RB1: variants seen among roughly 807,000 people sequenced by gnomAD.
RB1 encodes the protein RB transcriptional corepressor 1.
In RB1, 18 loss-of-function variants were observed where a neutral mutation model predicts 135.4. The ratio of observed to expected loss-of-function variants is 0.13; its 90% CI spans 0.09 to 0.20. The LOEUF (loss-of-function observed/expected upper bound fraction) is 0.20. Ranked by LOEUF, RB1 falls within the 10% of genes least tolerant of loss-of-function variation. The pLI is 1.00. For synonymous variants in RB1, 365 were observed against 373.2 expected (o/e 0.98, Z 0.25); for missense variants, 868 against 1,110.0 (o/e 0.78, Z 3.10).
chr13:48,324,484 T>C (rs1373084852), intron 2 of RB1, among the ~76,000 whole-genome samples: 1 of 152,042 alleles, frequency 6.6e-6, no homozygotes, highest in Non-Finnish European at 1.5e-5. Context: ...TACTTGTCCT[T>C]CTGTGCCTGG....
Position 48,406,460 on chromosome 13 carries a change from A to G in RB1, c.1695+25017A>G, listed in dbSNP as rs528137984. 5 of 152,310 alleles carry G rather than the reference A, an allele frequency of 3.3e-5. No homozygotes were observed. The East Asian group carries it at 9.6e-4, about 29-fold the overall frequency. The allele number at this position is 152,310 out of a possible 1,614,324, so 9.4% of individuals were successfully genotyped here. A position where few individuals can be genotyped will look rare whatever the true frequency, so the allele number is the denominator to read the frequency against. ...GAAGAGCCCTTTAAATTGTATAAATATAGTTCTTGTTGTGATTATTTTTCT... is the reference window on the plus strand; with the variant it reads ...GAAGAGCCCTTTAAATTGTATAAATGTAGTTCTTGTTGTGATTATTTTTCT... On this transcript the variant is annotated intron_variant, in intron 17 of 26. Coordinates refer to ENST00000267163, the MANE Select transcript of RB1 (RefSeq NM_000321.3).
chr13:48,356,898 A>G (rs1176062760), intron 6 of RB1, among the ~76,000 whole-genome samples: 1 of 151,994 alleles, frequency 6.6e-6, no homozygotes, highest in Admixed American at 6.6e-5. Flanking sequence ...CAGCTTTGTC[A>G]TGTATTCTAT....
At position 48,390,349 on chromosome 13, in the gene RB1, A is replaced by C. The variant is rs571628128; in HGVS notation, c.1695+8906A>C. ...TTGTTTCACCTTAGAATTTCTGGAG[A>C]CAGAACATTTCTGGGTAGTTTACTG... is the stretch of plus-strand genomic sequence containing the variant. On this transcript the variant is annotated intron_variant, in intron 17 of 26. Coordinates refer to ENST00000267163, the MANE Select transcript of RB1 (RefSeq NM_000321.3). Among the ~76,000 whole-genome samples the C allele has an allele frequency of 2.6e-4, 40 of 152,278 alleles. 1 individual carries two copies. The South Asian group carries it at 8.1e-3, about 31-fold the overall frequency.
chr13:48,317,339 C>G (rs949336868), intron 2 of RB1: 1 of 388,250 alleles, frequency 2.6e-6, no homozygotes, highest in Non-Finnish European at 4.6e-6. Context: ...TTCCCGCTCC[C>G]GACGCCCCGC....
intron 17 of RB1, chr13:48,411,156 T>C: frequency 5.0e-6 from 2 of 403,984 alleles, no homozygotes; most frequent in South Asian, 7.8e-5. Context: ...AGAGATTTTT[T>C]TTAATGAAGG....
At chr13:48,338,421 C>T (rs1952405801) in intron 2 of RB1, among the ~76,000 whole-genome samples, 1 of 152,196 alleles carries the variant, frequency 6.6e-6, no homozygotes, top group East Asian at 1.9e-4. Context: ...TGCTTCATTT[C>T]ATTCATTTGA....
intron 20 of RB1, 80 bp downstream of exon 20, chr13:48,459,913 C>CTTTA: frequency 2.1e-6 from 1 of 479,780 alleles, no homozygotes; most frequent in South Asian, 2.2e-5. Context: ...TTCTTTCTTT[C>CTTTA]TTTCTTTCTT....
At chr13:48,362,039 C>T (rs1279378455) in intron 7 of RB1, among the ~76,000 whole-genome samples, 1 of 151,600 alleles carries the variant, frequency 6.6e-6, no homozygotes, top group Admixed American at 6.6e-5. Flanking sequence ...ACTCTGCCTC[C>T]CGGGTTCAAG....
intron 17 of RB1, among the ~76,000 whole-genome samples, chr13:48,390,518 A>T (rs554900971): frequency 1.3e-5 from 2 of 152,302 alleles, no homozygotes; most frequent in South Asian, 4.1e-4. Flanking sequence ...GGGAGTAACC[A>T]GGAGACAAGT....
chr13:48,322,068 C>G (rs2138057752), intron 2 of RB1, among the ~76,000 whole-genome samples: 1 of 152,116 alleles, frequency 6.6e-6, no homozygotes, highest in African/African-American at 2.4e-5. Context: ...AGTTTAAGTC[C>G]CATTTACTTA....
Position 48,344,893 on chromosome 13 carries a change from A to G in RB1, c.381-187A>G, listed in dbSNP as rs4151454. The stretch of plus-strand genomic sequence containing the variant: ...ATGATGAATAGATATAAGCATAGGT[A>G]TATAGATAATAGAGGTGTAAGTTGA... On this transcript the variant is annotated intron_variant, in intron 3 of 26. Transcript: ENST00000267163. Among the ~76,000 whole-genome samples the G allele has an allele frequency of 7.5e-4, 115 of 152,358 alleles. No individual in the cohort carries two copies. The East Asian group carries it at 0.019, about 26-fold the overall frequency.
intron 17 of RB1, 118 bp from the exon 18 acceptor site, chr13:48,452,875 C>A: frequency 7.2e-7 from 1 of 1,397,354 alleles, no homozygotes; most frequent in Non-Finnish European, 9.7e-7. Context: ...TTTAAATTGC[C>A]ACTGTCAATT....
chr13:48,323,918 TTTC>T (rs1277892522), intron 2 of RB1, among the ~76,000 whole-genome samples: 1 of 152,072 alleles, frequency 6.6e-6, no homozygotes, highest in Non-Finnish European at 1.5e-5. Flanking sequence ...TACTAACATT[TTTC>T]TTGTCATTTT....
At position 48,373,423 on chromosome 13, in the gene RB1, C is replaced by T. The variant is rs2138130975; in HGVS notation, c.1146C>T (p.Ile382=). 2 of 1,595,326 alleles carry T rather than the reference C, an allele frequency of 1.3e-6. No individual in the cohort carries two copies. The highest frequency in any genetic ancestry group is 1.7e-6 in the Non-Finnish European group (2 of 1,163,572). The change falls in exon 12 of 27, where the codon ATC becomes ATT. Residue 382 remains isoleucine, a synonymous_variant. Transcript: ENST00000267163. The stretch of plus-strand genomic sequence containing the variant: ...CCTCTAGGACTGTTATGAACACTAT[C>T]CAACAATTAATGATGATTTTAAATT... The part of the protein sequence containing the change: ...HTPVRTVMNT[I]QQLMMILNSA...
rs750176218 is a variant in RB1 at position 48,307,420 on chromosome 13, T to TA, written c.264+18dup. ...GATGGAGTATTGGTAAGGATTTTCT[T>TA]AAAACGTTTTGAAATTTTTTTTTCT... On this transcript the variant is annotated intron_variant, in intron 2 of 26. Coordinates refer to ENST00000267163, the MANE Select transcript of RB1 (RefSeq NM_000321.3). 2.2e-5 allele frequency: 36 copies of TA among 1,611,222 alleles called. No individual in the cohort carries two copies. The highest frequency in any genetic ancestry group is 2.9e-5 in the Non-Finnish European group (34 of 1,178,772).
rs1949530028 is a variant in RB1, at chr13:48,480,205, G to A, written c.*134G>A. 1 of 748,070 alleles carries A rather than the reference G, an allele frequency of 1.3e-6. No homozygotes were observed. Among genetic ancestry groups the A allele is most frequent in the East Asian group, 2.7e-5 (1 of 37,048 alleles). 46.3% of individuals were successfully genotyped at this position (748,070 alleles called of 1,614,324 possible). On this transcript the variant is annotated 3_prime_UTR_variant, in exon 27 of 27. Coordinates refer to ENST00000267163, the MANE Select transcript of RB1 (RefSeq NM_000321.3). ...TCAGCTCTTTTTGTGGATATAAAATGTGCAGATGCAATTGTTTGGGTGATT... is the reference window on the plus strand; with the variant it reads ...TCAGCTCTTTTTGTGGATATAAAATATGCAGATGCAATTGTTTGGGTGATT...
chr13:48,374,589 C>T (rs992792177), intron 12 of RB1, among the ~76,000 whole-genome samples: 3 of 152,090 alleles, frequency 2.0e-5, no homozygotes, highest in Admixed American at 6.6e-5. Context: ...TGCATAAAGT[C>T]GCTTTTGTTT....
intron 17 of RB1, among the ~76,000 whole-genome samples, chr13:48,433,243 A>T (rs1949148236): frequency 6.6e-6 from 1 of 152,144 alleles, no homozygotes; most frequent in Admixed American, 6.5e-5. Flanking sequence ...ATACATATGT[A>T]CTTTTCTATT....
At chr13:48,398,966 T>C (rs1229960076) in intron 17 of RB1, among the ~76,000 whole-genome samples, 1 of 152,078 alleles carries the variant, frequency 6.6e-6, no homozygotes, top group Non-Finnish European at 1.5e-5. Context: ...GTCTGGCTTA[T>C]TCCTCAGGAA....
Sources: allele counts gnomAD v4.1 joint callset (sites outside exome capture counted in the v4.1 genomes callset), GRCh38; gene constraint gnomAD v4.1.1; transcripts MANE v1.5; gene names NCBI Gene and HGNC (gene_info 2026-07-23, HGNC 2026-07-21).